Variants in PTPRN2 observed in about 807,000 individuals in gnomAD.
PTPRN2 encodes the protein receptor-type tyrosine-protein phosphatase N2.
A neutral mutation model predicts 118.8 loss-of-function variants in PTPRN2; 74 were observed. The observed-to-expected ratio is 0.62, with a 90% confidence interval of 0.52 to 0.76. The LOEUF (loss-of-function observed/expected upper bound fraction) is 0.76. PTPRN2 is among the 30% of genes least tolerant of loss of function. The probability of loss-of-function intolerance (pLI) is 0.00; values close to 1 mark genes in which losing one functional copy is unlikely to be tolerated. For missense variants in PTPRN2, 1,481 were observed against 1,394.4 expected (o/e 1.06, Z -0.99); for synonymous variants, 641 against 608.0 (o/e 1.05, Z -0.80).
chr7:157,600,352 C>CT (rs1801601157), intron 16 of PTPRN2, among the ~76,000 whole-genome samples: 2 of 152,346 alleles, frequency 1.3e-5, no homozygotes, highest in Non-Finnish European at 2.9e-5. Flanking sequence ...CTTCTCAAGT[C>CT]TCTTTTCCAA....
chr7:157,677,745 C>G (rs1003116183), intron 13 of PTPRN2, among the ~76,000 whole-genome samples: 1 of 152,210 alleles, frequency 6.6e-6, no homozygotes, highest in South Asian at 2.1e-4. Context: ...ACCCTTTACC[C>G]TCATCATCCT....
At chr7:157,557,935 T>C (rs2150485004) in intron 21 of PTPRN2, among the ~76,000 whole-genome samples, 1 of 150,828 alleles carries the variant, frequency 6.6e-6, no homozygotes, top group African/African-American at 2.4e-5. Context: ...CCATCCCCAA[T>C]ACTCCAGGAG....
intron 13 of PTPRN2, among the ~76,000 whole-genome samples, chr7:157,679,322 A>T (rs1460118132): frequency 6.6e-6 from 1 of 152,190 alleles, no homozygotes; most frequent in Non-Finnish European, 1.5e-5. Context: ...AATATATTTC[A>T]GTTATTCTGA....
intron 12 of PTPRN2, among the ~76,000 whole-genome samples, chr7:157,890,801 G>A (rs1422550153): frequency 6.6e-6 from 1 of 152,174 alleles, no homozygotes; most frequent in African/African-American, 2.4e-5. Context: ...CTTTGCAAGT[G>A]GTCTGCTTGC....
At chr7:158,195,062 T>C (rs901175334) in intron 4 of PTPRN2, among the ~76,000 whole-genome samples, 4 of 152,226 alleles carry the variant, frequency 2.6e-5, no homozygotes, top group Non-Finnish European at 5.9e-5. Context: ...GTTCTCTCAT[T>C]GGTTTCCATC....
chr7:158,273,700 CAG>C (rs1337001666), intron 3 of PTPRN2, among the ~76,000 whole-genome samples: 1 of 128,290 alleles, frequency 7.8e-6, no homozygotes, highest in Non-Finnish European at 1.6e-5. Context: ...GCCGCAGACA[CAG>C]GGGGAGCTGC....
In PTPRN2 at chr7:157,833,291, G is replaced by A. The variant is rs370403921; in HGVS notation, c.1788+65382C>T. Among the ~76,000 whole-genome samples the A allele has an allele frequency of 7.5e-5, 11 of 147,368 alleles. No individual in the cohort carries two copies. In the East Asian group the frequency reaches 1.2e-3, roughly 16 times the overall value. On this transcript the variant is annotated intron_variant, in intron 12 of 22. Coordinates refer to ENST00000389418, the MANE Select transcript of PTPRN2 (RefSeq NM_002847.5). Reference sequence around the variant, plus strand: ...CGTCCAGGAAGTGTGTGATGTGGCCGGTGCCCATCCATCCTGTATGACGGT... The same window carrying A: ...CGTCCAGGAAGTGTGTGATGTGGCCAGTGCCCATCCATCCTGTATGACGGT...
Position 158,244,807 on chromosome 7 carries a change from TGA to T in PTPRN2, c.278-39536_278-39535del, listed in dbSNP as rs113661572. ...GAGTTGTGTGAGTGTGAGTTGTGTG[TGA>T]GAGTGTGTATGAGTGTGAGTTGTGC... is the stretch of plus-strand genomic sequence containing the variant. On this transcript the variant is annotated intron_variant, in intron 3 of 22. Transcript: ENST00000389418. Among the ~76,000 whole-genome samples, 490 of 148,228 alleles carry T rather than the reference TGA, an allele frequency of 3.3e-3. 5 individuals are homozygous for T. Among genetic ancestry groups the T allele is most frequent in the African/African-American group, 0.01 (400 of 39,778 alleles).
chr7:157,935,870 G>T (rs970943837), intron 11 of PTPRN2, among the ~76,000 whole-genome samples: 1 of 148,060 alleles, frequency 6.8e-6, no homozygotes, highest in African/African-American at 2.5e-5. Flanking sequence ...GCTCCCTCAG[G>T]GGGGTCTAGC....
At chr7:158,080,190 C>G (rs929497826) in intron 11 of PTPRN2, among the ~76,000 whole-genome samples, 36 of 151,774 alleles carry the variant, frequency 2.4e-4, no homozygotes, top group African/African-American at 8.5e-4. Flanking sequence ...GAAAAAGAAA[C>G]TTCAAGTTTA....
chr7:158,016,065 G>T (rs552534900), intron 11 of PTPRN2, among the ~76,000 whole-genome samples: 2 of 152,310 alleles, frequency 1.3e-5, no homozygotes, highest in Admixed American at 6.5e-5. Context: ...TCCTCGTTCA[G>T]GGAATAAGAG....
chr7:157,654,231 C>T (rs1443709102), intron 14 of PTPRN2, among the ~76,000 whole-genome samples: 1 of 133,640 alleles, frequency 7.5e-6, no homozygotes, highest in Non-Finnish European at 1.6e-5. Flanking sequence ...CCCACTCCCA[C>T]CCCGACTCCG....
chr7:157,637,070 AT>A lies in PTPRN2; in HGVS notation c.2197-15562del, dbSNP rs1413992144. 9.2e-5 allele frequency among the ~76,000 whole-genome samples: 14 copies of A among 152,226 alleles called. No individual in the cohort carries two copies. In the South Asian group the frequency reaches 1.0e-3, roughly 11 times the overall value. On this transcript the variant is annotated intron_variant, in intron 14 of 22. Transcript: ENST00000389418. ...TATTTGCAAATATTTGTTCTACAAC[AT>A]TTTTTTATTAATATAAATCAATACA... is the stretch of plus-strand genomic sequence containing the variant.
At chr7:158,201,543 C>T (rs1308195875) in intron 4 of PTPRN2, among the ~76,000 whole-genome samples, 2 of 152,166 alleles carry the variant, frequency 1.3e-5, no homozygotes, top group Admixed American at 1.3e-4. Context: ...TAGGGATCTA[C>T]TTTCCCCTTT....
chr7:158,568,437 T>C (rs1475459864), intron 1 of PTPRN2, among the ~76,000 whole-genome samples: 2 of 151,954 alleles, frequency 1.3e-5, no homozygotes, highest in Non-Finnish European at 2.9e-5. Context: ...TGCTTCCTTT[T>C]GGAGACCTTG....
chr7:158,411,379 CT>C (rs1353899924), intron 2 of PTPRN2, among the ~76,000 whole-genome samples: 1 of 152,194 alleles, frequency 6.6e-6, no homozygotes, highest in Non-Finnish European at 1.5e-5. Context: ...ACTGCTGCCC[CT>C]GCTGGGTCCT....
intron 3 of PTPRN2, among the ~76,000 whole-genome samples, chr7:158,245,021 G>A (rs547035637): frequency 1.6e-4 from 24 of 152,328 alleles, no homozygotes; most frequent in African/African-American, 4.3e-4. Flanking sequence ...AAGTGACGTC[G>A]TCTTGAGGAT....
chr7:158,580,012 A>C (rs1217113721), intron 1 of PTPRN2, among the ~76,000 whole-genome samples: 4 of 152,234 alleles, frequency 2.6e-5, no homozygotes, highest in African/African-American at 9.6e-5. Flanking sequence ...AAAGCAGAGA[A>C]AGAGATTCAA....
intron 12 of PTPRN2, among the ~76,000 whole-genome samples, chr7:157,771,778 GAC>G (rs1272204641): frequency 3.5e-5 from 4 of 113,724 alleles, no homozygotes; most frequent in African/African-American, 5.4e-5. Flanking sequence ...TGCAGACACA[GAC>G]ACACACTCAC....
Sources: allele counts gnomAD v4.1 joint callset (sites outside exome capture counted in the v4.1 genomes callset), GRCh38; gene constraint gnomAD v4.1.1; transcripts MANE v1.5; gene names NCBI Gene and HGNC (gene_info 2026-07-23, HGNC 2026-07-21).